Variants in SLAIN1 observed in about 807,000 individuals in gnomAD.
SLAIN1 encodes the protein SLAIN motif-containing protein 1.
Under a neutral mutation model 55.4 loss-of-function variants are expected in SLAIN1, and 17 were observed. The observed-to-expected ratio is 0.31, with a 90% CI of 0.21 to 0.46. The LOEUF (loss-of-function observed/expected upper bound fraction) is 0.46, where lower values mean the gene tolerates loss of function less well. Among genes scored for constraint, SLAIN1 ranks in the 20% least tolerant of loss-of-function variants. The pLI, the probability that SLAIN1 is intolerant of heterozygous loss-of-function variation, is 1.00. For synonymous variants in SLAIN1, 348 were observed against 337.4 expected (o/e 1.03, Z -0.35); for missense variants, 682 against 785.1 (o/e 0.87, Z 1.57).
chr13:77,698,630 TCGCGGCAGCCGGGGTGACTCCC>T lies in SLAIN1; in HGVS notation c.626+98_626+119del, dbSNP rs1364811983. The T allele has an allele frequency of 7.6e-7, 1 of 1,313,970 alleles. No individual in the cohort carries two copies. The highest frequency in any genetic ancestry group is 9.7e-7 in the Non-Finnish European group (1 of 1,035,460). 81.4% of individuals were successfully genotyped at this position (1,313,970 alleles called of 1,614,324 possible). ...GGGCGGGGGGCGGACGGGGGTCCCC[TCGCGGCAGCCGGGGTGACTCCC>T]CGCGGCTCCCGGAGGGGCCGACCCA... On this transcript the variant is annotated intron_variant, in intron 1 of 6. Transcript: ENST00000418532. This position sits in a 1 kb window ranked among gnomAD's most constrained non-coding sequence, Gnocchi z 4.1.
At position 77,700,210 on chromosome 13, in the gene SLAIN1, G is replaced by T. The variant is rs2091017667; in HGVS notation, c.626+1671G>T. ...CTATTACTAGCATTTTGGTACCTAGGCTTTCTTTTTATAGTTTAATTTTGT... is the reference window on the plus strand; with the variant it reads ...CTATTACTAGCATTTTGGTACCTAGTCTTTCTTTTTATAGTTTAATTTTGT... On this transcript the variant is annotated intron_variant, in intron 1 of 6. Transcript: ENST00000418532. Among the ~76,000 whole-genome samples, 3 of 151,992 alleles carry T rather than the reference G, an allele frequency of 2.0e-5. No individual in the cohort carries two copies. In the South Asian group the frequency reaches 6.2e-4, roughly 32 times the overall value.
Position 77,753,292 on chromosome 13 carries a change from A to G in SLAIN1, c.1348A>G (p.Asn450Asp). 6.2e-7 allele frequency: 1 copy of G among 1,613,136 alleles called. No individual in the cohort carries two copies. The highest frequency in any genetic ancestry group is 8.5e-7 in the Non-Finnish European group (1 of 1,179,556). ...SNISSPVTVR[N>D]SQSFDSSLHG... ...CATTAGTTCTCCGGTCACCGTGCGA[A>G]ATAGTCAGAGTTTTGACTCAAGCTT... The change falls in exon 5 of 7, where the codon AAT (asparagine) becomes GAT (aspartate). Residue 450 changes from asparagine to aspartate, a missense_variant. This residue lies in a region of SLAIN1 where 244 missense variants were observed against 295.2 expected (regional missense o/e 0.83). Coordinates refer to ENST00000418532, the MANE Select transcript of SLAIN1 (RefSeq NM_001242868.2).
chr13:77,721,403 T>G (rs991193112), intron 2 of SLAIN1, among the ~76,000 whole-genome samples: 1 of 152,176 alleles, frequency 6.6e-6, no homozygotes, highest in Non-Finnish European at 1.5e-5. Context: ...GAGAACAGAC[T>G]AATACACAAA....
chr13:77,732,683 T>A (rs971388974), intron 2 of SLAIN1, among the ~76,000 whole-genome samples: 4 of 152,056 alleles, frequency 2.6e-5, no homozygotes, highest in Admixed American at 6.6e-5. Flanking sequence ...TTTTTTTTTT[T>A]AAATCTCCAC....
At chr13:77,709,840 G>A (rs1188915915) in intron 1 of SLAIN1, among the ~76,000 whole-genome samples, 1 of 151,990 alleles carries the variant, frequency 6.6e-6, no homozygotes, top group East Asian at 1.9e-4. Flanking sequence ...GCGCGATCTC[G>A]GCTCACTGCA....
At chr13:77,760,021 A>C (rs1035137888) in intron 5 of SLAIN1, among the ~76,000 whole-genome samples, 2 of 152,114 alleles carry the variant, frequency 1.3e-5, no homozygotes, top group Non-Finnish European at 2.9e-5. Flanking sequence ...TGATTAAGTA[A>C]ATTCAACTGT....
Position 77,763,236 on chromosome 13 carries a change from C to T in SLAIN1, c.*16C>T. On this transcript the variant is annotated 3_prime_UTR_variant, in exon 7 of 7. Transcript: ENST00000418532. Reference sequence around the variant, plus strand: ...TTGCTACTAATGCAGTTTTATGTACCCTTGAAAAATGGGAAAGAAGTAAAA... The same window carrying T: ...TTGCTACTAATGCAGTTTTATGTACTCTTGAAAAATGGGAAAGAAGTAAAA... 6.2e-7 allele frequency: 1 copy of T among 1,605,130 alleles called. No individual in the cohort carries two copies. Among genetic ancestry groups the T allele is most frequent in the African/African-American group, 1.3e-5 (1 of 74,754 alleles).
rs142187128 is a variant in SLAIN1, at chr13:77,719,652, G to A, written c.747G>A (p.Leu249=). Residue 249 remains leucine, a synonymous_variant, in exon 2 of 7, where the codon CTG becomes CTA. Coordinates refer to ENST00000418532, the MANE Select transcript of SLAIN1 (RefSeq NM_001242868.2). ...AGATGGAAGCAGCGAGACGTTCCCT[G>A]TGCTTTAGACTGGAGCAAGGTAATT... ...TPEMEAARRS[L]CFRLEQGYTS... 1.2e-6 allele frequency: 2 copies of A among 1,613,358 alleles called. No individual in the cohort carries two copies. Among genetic ancestry groups the A allele is most frequent in the Non-Finnish European group, 8.5e-7 (1 of 1,179,514 alleles).
chr13:77,722,476 T>TA (rs1246033126), intron 2 of SLAIN1, among the ~76,000 whole-genome samples: 1 of 152,182 alleles, frequency 6.6e-6, no homozygotes, highest in African/African-American at 2.4e-5. Context: ...CAGATATACT[T>TA]AAGAAAAGCT....
rs981011636 is a variant in SLAIN1, at chr13:77,697,755, G to A, written c.-159G>A. On this transcript the variant is annotated 5_prime_UTR_variant, in exon 1 of 7. Transcript: ENST00000418532. Reference sequence around the variant, plus strand: ...GGTGGCTGCCGCGGCCGGAGGCGAGGGCCCGGTGCTGATGCGAACCGCCGG... The same window carrying A: ...GGTGGCTGCCGCGGCCGGAGGCGAGAGCCCGGTGCTGATGCGAACCGCCGG... The A allele has an allele frequency of 9.9e-6, 6 of 604,584 alleles. No homozygotes were observed. The highest frequency in any genetic ancestry group is 2.0e-5 in the African/African-American group (1 of 50,670). 37.5% of individuals were successfully genotyped at this position (604,584 alleles called of 1,614,324 possible).
rs1257380793 is a variant in SLAIN1 at position 77,746,663 on chromosome 13, C to T, written c.1066C>T (p.Pro356Ser). ...TGAAGAGGAATTTGATCATTTGCCA[C>T]CACCTCAGCCTCGTCTTCCAAGATG... The part of the protein sequence containing the change: ...EDEEEFDHLP[P>S]PQPRLPRCSP... Residue 356 changes from proline to serine, a missense_variant, in exon 4 of 7, where the codon CCA (proline) becomes TCA (serine). Transcript: ENST00000418532. The T allele has an allele frequency of 6.2e-7, 1 of 1,613,786 alleles. No homozygotes were observed. The highest frequency in any genetic ancestry group is 1.1e-5 in the South Asian group (1 of 91,084).
intron 1 of SLAIN1, among the ~76,000 whole-genome samples, chr13:77,708,393 C>T (rs74095847): frequency 2.0e-5 from 3 of 152,266 alleles, no homozygotes; most frequent in South Asian, 2.1e-4. Flanking sequence ...CAGGCAGAGC[C>T]GTGCTTTAGA....
intron 2 of SLAIN1, among the ~76,000 whole-genome samples, chr13:77,732,932 T>A (rs1872947976): frequency 1.3e-5 from 2 of 152,168 alleles, no homozygotes; most frequent in South Asian, 4.1e-4. Flanking sequence ...AAGGATCCGA[T>A]AATAGTCATG....
At position 77,753,203 on chromosome 13, in the gene SLAIN1, A is replaced by G. The variant is rs959827013; in HGVS notation, c.1259A>G (p.Asp420Gly). 6 of 1,574,722 alleles carry G rather than the reference A, an allele frequency of 3.8e-6. No homozygotes were observed. The African/African-American group carries it at 8.2e-5, about 22-fold the overall frequency. Residue 420 changes from aspartate (D) to glycine (G), a missense_variant and splice_region_variant, in exon 5 of 7, where the codon GAT becomes GGT. Transcript: ENST00000418532. Reference protein sequence around the residue: ...PDQQPNRTNGDKLRRSMPNLA... With the variant: ...PDQQPNRTNGGKLRRSMPNLA... Reference sequence around the variant, plus strand: ...TTAACTTAGTAAAATTCTTTTCCAGATAAGCTCCGAAGAAGTATGCCTAAC... The same window carrying G: ...TTAACTTAGTAAAATTCTTTTCCAGGTAAGCTCCGAAGAAGTATGCCTAAC...
chr13:77,730,167 C>T (rs192746730), intron 2 of SLAIN1, among the ~76,000 whole-genome samples: 2 of 152,212 alleles, frequency 1.3e-5, no homozygotes, highest in Admixed American at 6.5e-5. Context: ...AGAAACTAGA[C>T]ATGTGTGCAG....
chr13:77,750,662 A>G (rs1874146230), intron 4 of SLAIN1, among the ~76,000 whole-genome samples: 3 of 152,308 alleles, frequency 2.0e-5, no homozygotes, highest in South Asian at 2.1e-4. Flanking sequence ...AAAAATAGGC[A>G]TCAAGAAGAT....
chr13:77,710,952 A>G (rs886888747), intron 1 of SLAIN1, among the ~76,000 whole-genome samples: 1 of 152,216 alleles, frequency 6.6e-6, no homozygotes, highest in Non-Finnish European at 1.5e-5. Flanking sequence ...GCACAATTAC[A>G]TGGAAACTGA....
At chr13:77,703,670 G>C (rs1026907846) in intron 1 of SLAIN1, among the ~76,000 whole-genome samples, 1 of 151,882 alleles carries the variant, frequency 6.6e-6, no homozygotes, top group Non-Finnish European at 1.5e-5. Context: ...TTAAGAGCCT[G>C]TTGGAACTAA....
At chr13:77,706,837 C>T (rs1442538617) in intron 1 of SLAIN1, among the ~76,000 whole-genome samples, 1 of 152,140 alleles carries the variant, frequency 6.6e-6, no homozygotes, top group East Asian at 1.9e-4. Flanking sequence ...TTAACCTTTC[C>T]CTCATGTTTG....
Sources: allele counts gnomAD v4.1 joint callset (sites outside exome capture counted in the v4.1 genomes callset), GRCh38; gene constraint gnomAD v4.1.1; regional missense constraint gnomAD v4.1.1; non-coding constraint Gnocchi (gnomAD v3.1); transcripts MANE v1.5; gene names NCBI Gene and HGNC (gene_info 2026-07-23, HGNC 2026-07-21).